PPM1D: variants seen among roughly 807,000 people sequenced by gnomAD.
The protein encoded by PPM1D is protein phosphatase, Mg2+/Mn2+ dependent 1D, also known as protein phosphatase 1D.
In PPM1D, 52 loss-of-function variants were observed where a neutral mutation model predicts 58.3. The ratio of observed to expected loss-of-function variants is 0.89; its 90% CI spans 0.71 to 1.12. The LOEUF (loss-of-function observed/expected upper bound fraction) is 1.12. PPM1D is among the 50% of genes most tolerant of loss of function. The pLI is 0.00. For missense variants in PPM1D, 564 were observed against 777.2 expected, an observed-to-expected ratio of 0.73 and a Z score of 3.26; for synonymous variants, 278 against 285.1, an observed-to-expected ratio of 0.98 and a Z score of 0.25.
chr17:60,663,406 A>AGTAGTG lies in PPM1D; in HGVS notation c.1675_1680dup (p.Ser559_Gly560dup). On this transcript the variant is annotated inframe_insertion, in exon 6 of 6. Coordinates refer to ENST00000305921, the MANE Select transcript of PPM1D (RefSeq NM_003620.4). ...GCATAGACGAAATGGCTTAAGTCGA[A>AGTAGTG]GTAGTGGTGCTCAGCCTGCAAGTCT... The AGTAGTG allele has an allele frequency of 1.2e-6, 2 of 1,614,226 alleles. No individual in the cohort carries two copies. The highest frequency in any genetic ancestry group is 2.2e-5 in the South Asian group (2 of 91,090).
At chr17:60,631,188 T>G (rs184127308) in intron 2 of PPM1D, among the ~76,000 whole-genome samples, 1 of 151,470 alleles carries the variant, frequency 6.6e-6, no homozygotes, top group South Asian at 2.1e-4. Context: ...ACAAAAAAAT[T>G]ACATGCCTTT....
intron 4 of PPM1D, among the ~76,000 whole-genome samples, chr17:60,652,528 G>A (rs1013166639): frequency 3.5e-4 from 51 of 147,772 alleles, no homozygotes; most frequent in African/African-American, 1.1e-3. Context: ...GGAATTGTTG[G>A]ATCATATGGT....
rs372486482 is a variant in PPM1D, at chr17:60,649,100, C to T, written c.1017+1018C>T. Among the ~76,000 whole-genome samples, 12 of 151,362 alleles carry T rather than the reference C, an allele frequency of 7.9e-5. No homozygotes were observed. The South Asian group carries it at 2.3e-3, about 29-fold the overall frequency. The stretch of plus-strand genomic sequence containing the variant: ...CTACTACTTTTTTTGTTTTTTTTTC[C>T]CCCCAAGAGATGAGGTGTCACTATG... On this transcript the variant is annotated intron_variant, in intron 4 of 5. Transcript: ENST00000305921.
At chr17:60,649,160 C>T (rs2031300615) in intron 4 of PPM1D, among the ~76,000 whole-genome samples, 1 of 151,942 alleles carries the variant, frequency 6.6e-6, no homozygotes, top group South Asian at 2.1e-4. Flanking sequence ...TAGGCTTAAG[C>T]AGTCCTCTCA....
Position 60,614,702 on chromosome 17 carries a change from C to T in PPM1D, c.473-8819C>T, listed in dbSNP as rs186409367. Among the ~76,000 whole-genome samples the T allele has an allele frequency of 2.8e-3, 430 of 152,250 alleles. 2 individuals carry two copies. Among genetic ancestry groups the T allele is most frequent in the Admixed American group, 5.0e-3 (77 of 15,286 alleles). On this transcript the variant is annotated intron_variant, in intron 1 of 5. Coordinates refer to ENST00000305921, the MANE Select transcript of PPM1D (RefSeq NM_003620.4). ...CTCACTGCGAAGGTCTGCAGCTTCA[C>T]TCCTGAAGCCAGGGAGACCACCAAC...
intron 2 of PPM1D, among the ~76,000 whole-genome samples, chr17:60,629,073 A>G (rs868497580): frequency 6.6e-6 from 1 of 152,192 alleles, no homozygotes; most frequent in South Asian, 2.1e-4. Flanking sequence ...GATGACCTTG[A>G]ATTTACCCTC....
chr17:60,661,901 A>G (rs1400521155), intron 5 of PPM1D, among the ~76,000 whole-genome samples: 2 of 152,124 alleles, frequency 1.3e-5, no homozygotes, highest in African/African-American at 2.4e-5. Flanking sequence ...AAAAACTACA[A>G]ATTTGTTGCT....
At chr17:60,620,062 G>C (rs868295010) in intron 1 of PPM1D, among the ~76,000 whole-genome samples, 1 of 152,048 alleles carries the variant, frequency 6.6e-6, no homozygotes, top group African/African-American at 2.4e-5. Context: ...GCAGTGGCAT[G>C]ATCTCGGCCC....
chr17:60,623,329 A>G (rs1356994977), intron 1 of PPM1D, among the ~76,000 whole-genome samples, 192 bp from the exon 2 acceptor site: 1 of 152,210 alleles, frequency 6.6e-6, no homozygotes, highest in Non-Finnish European at 1.5e-5. Context: ...TGCATTATTT[A>G]TAACATTAAT....
At position 60,647,935 on chromosome 17, in the gene PPM1D, G is replaced by A; in HGVS notation, c.870G>A (p.Val290=). Residue 290 remains valine, a synonymous_variant, in exon 4 of 6, where the codon GTG becomes GTA. Transcript: ENST00000305921. ...ATTTCTTCAGTGGTGAATTTGTGGT[G>A]TCACCTGAACCAGACACAAGTGTCC... The part of the protein sequence containing the change: ...SYDFFSGEFV[V]SPEPDTSVHT... 6.2e-7 allele frequency: 1 copy of A among 1,613,494 alleles called. No homozygotes were observed.
At chr17:60,641,536 G>A (rs2031134193) in intron 3 of PPM1D, among the ~76,000 whole-genome samples, 1 of 152,128 alleles carries the variant, frequency 6.6e-6, no homozygotes, top group South Asian at 2.1e-4. Context: ...CTTTCTGTAG[G>A]TTGTCTGTTT....
Position 60,638,649 on chromosome 17 carries a change from G to T in PPM1D, c.826+4672G>T, listed in dbSNP as rs560502694. ...TTCCCAAAGTGCTGGGATTACAAGC[G>T]CAAGCCACCGCGACCGACCGGCCTG... On this transcript the variant is annotated intron_variant, in intron 3 of 5. Transcript: ENST00000305921. Among the ~76,000 whole-genome samples, 10 of 152,112 alleles carry T rather than the reference G, an allele frequency of 6.6e-5. No homozygotes were observed. The South Asian group carries it at 2.1e-3, about 32-fold the overall frequency.
intron 4 of PPM1D, 107 bp from the exon 5 acceptor site, chr17:60,656,492 C>T: frequency 7.3e-7 from 1 of 1,366,940 alleles, no homozygotes; most frequent in Non-Finnish European, 9.7e-7. Context: ...AAATTGGGAG[C>T]TTTGTTTGGG....
intron 3 of PPM1D, among the ~76,000 whole-genome samples, chr17:60,646,150 T>C (rs1053693016): frequency 6.6e-6 from 1 of 152,192 alleles, no homozygotes; most frequent in African/African-American, 2.4e-5. Flanking sequence ...AGCTTTGTTT[T>C]GCTGGTATAA....
chr17:60,648,024 T>C lies in PPM1D; in HGVS notation c.959T>C (p.Ile320Thr). 1.2e-6 allele frequency: 2 copies of C among 1,613,952 alleles called. No homozygotes were observed. Among genetic ancestry groups the C allele is most frequent in the Non-Finnish European group, 1.7e-6 (2 of 1,179,980 alleles). ...ILGSDGLWNM[I>T]PPQDAISMCQ... ...GGGAGTGATGGACTTTGGAATATGATTCCACCACAAGATGCCATCTCAATG... is the reference window on the plus strand; with the variant it reads ...GGGAGTGATGGACTTTGGAATATGACTCCACCACAAGATGCCATCTCAATG... The change falls in exon 4 of 6, where the codon ATT becomes ACT. Residue 320 changes from isoleucine (I) to threonine (T), a missense_variant. Physicochemically the swap from Ile to Thr is moderately conservative, Grantham distance 89 (BLOSUM62 -1). This residue lies in a region of PPM1D where 34 missense variants were observed against 34.3 expected (regional missense o/e 0.99). Transcript: ENST00000305921.
At chr17:60,634,912 CTG>C (rs924966733) in intron 3 of PPM1D, among the ~76,000 whole-genome samples, 1 of 152,172 alleles carries the variant, frequency 6.6e-6, no homozygotes, top group Non-Finnish European at 1.5e-5. Context: ...TCCCGAGTAA[CTG>C]GGACTACAGG....
At chr17:60,611,033 G>C (rs1010474621) in intron 1 of PPM1D, among the ~76,000 whole-genome samples, 1 of 152,158 alleles carries the variant, frequency 6.6e-6, no homozygotes, top group Non-Finnish European at 1.5e-5. Context: ...TTATTTTTGA[G>C]ACGGAGTCTC....
chr17:60,661,450 A>T (rs1048161605), intron 5 of PPM1D, among the ~76,000 whole-genome samples: 2 of 152,132 alleles, frequency 1.3e-5, no homozygotes, highest in African/African-American at 4.8e-5. Context: ...CAATGATTTT[A>T]TGAAATGTTA....
At chr17:60,624,931 G>A (rs1003334213) in intron 2 of PPM1D, among the ~76,000 whole-genome samples, 13 of 152,130 alleles carry the variant, frequency 8.5e-5, no homozygotes, top group Admixed American at 6.6e-4. Flanking sequence ...TCTGAGCTCA[G>A]GAGTTCGAGA....
Sources: gnomAD v4.1 joint callset for allele counts (sites outside exome capture counted in the v4.1 genomes callset) on GRCh38, gnomAD v4.1.1 for gene constraint, gnomAD v4.1.1 regional missense constraint, MANE v1.5 for transcripts, NCBI Gene and HGNC (gene_info 2026-07-23, HGNC 2026-07-21) for gene names.